Variants in PARP1 observed in about 807,000 individuals in gnomAD.
The protein encoded by PARP1 is poly(ADP-ribose) polymerase 1, also known as poly [ADP-ribose] polymerase 1.
A neutral mutation model predicts 118.7 loss-of-function variants in PARP1; 44 were observed. That is an observed-to-expected ratio of 0.37 (90% confidence interval 0.29 to 0.48). PARP1 has a LOEUF of 0.48. Among genes scored for constraint, PARP1 ranks in the 20% least tolerant of loss-of-function variants. PARP1 has a pLI of 0.99. For missense variants in PARP1, 1,100 were observed against 1,272.4 expected (o/e 0.86, Z 2.06); for synonymous variants, 492 against 483.2 (o/e 1.02, Z -0.24).
At chr1:226,381,346 CG>C in intron 8 of PARP1, 138 bp from the exon 9 acceptor site, 2 of 942,934 alleles carry the variant, frequency 2.1e-6, no homozygotes, top group East Asian at 5.1e-5. Context: ...GAAAACAGGA[CG>C]GGACAGCAAG....
intron 14 of PARP1, 21 bp from the exon 15 acceptor site, chr1:226,370,538 G>A (rs781427940): frequency 4.4e-6 from 7 of 1,592,244 alleles, no homozygotes; most frequent in South Asian, 3.3e-5. Flanking sequence ...AGGGGATTTC[G>A]CTCTGAAAGC....
At position 226,371,202 on chromosome 1, in the gene PARP1, G is replaced by C. The variant is rs1007965171; in HGVS notation, c.2071-685C>G. On this transcript the variant is annotated intron_variant, in intron 14 of 22. Coordinates refer to ENST00000366794, the MANE Select transcript of PARP1 (RefSeq NM_001618.4). The stretch of plus-strand genomic sequence containing the variant: ...AGGCACTCACTCCCTTTTGCGAGCA[G>C]CCCTGCCTATTTGGCTCAGCCCCTG... 12 of 155,884 alleles carry C rather than the reference G, an allele frequency of 7.7e-5. 1 individual carries two copies. Among genetic ancestry groups the C allele is most frequent in the African/African-American group, 2.9e-4 (12 of 41,448 alleles). The allele number at this position is 155,884 out of a possible 1,614,324, so 9.7% of individuals were successfully genotyped here.
chr1:226,398,123 A>ACAC (rs146245266), intron 2 of PARP1, among the ~76,000 whole-genome samples: 1 of 150,956 alleles, frequency 6.6e-6, no homozygotes, highest in African/African-American at 2.4e-5. Flanking sequence ...CTTTTTACAA[A>ACAC]CACCAAAAGC....
In PARP1 at chr1:226,367,552, G is replaced by A. The variant is rs2102728366; in HGVS notation, c.2334C>T (p.Leu778=). The A allele has an allele frequency of 1.2e-6, 2 of 1,614,098 alleles. No homozygotes were observed. Among genetic ancestry groups the A allele is most frequent in the South Asian group, 1.1e-5 (1 of 91,080 alleles). The change falls in exon 17 of 23, where the codon CTC becomes CTT. Residue 778 remains leucine (L), a synonymous_variant. Coordinates refer to ENST00000366794, the MANE Select transcript of PARP1 (RefSeq NM_001618.4). The part of the protein sequence containing the change: ...LLDIEVAYSL[L]RGGSDDSSKD... ...TGCTGCTATCATCAGACCCTCCCCT[G>A]AGCAGACTGTAGGCCACCTCGATGT...
chr1:226,370,152 C>T (rs1664350155), intron 15 of PARP1, among the ~76,000 whole-genome samples: 2 of 152,084 alleles, frequency 1.3e-5, no homozygotes, highest in African/African-American at 4.8e-5. Context: ...GATGACTTCA[C>T]TTTTAACAGA....
intron 1 of PARP1, among the ~76,000 whole-genome samples, chr1:226,405,452 C>G (rs12119288): frequency 2.0e-5 from 3 of 152,160 alleles, no homozygotes; most frequent in Non-Finnish European, 2.9e-5. Flanking sequence ...TTAACAGGCA[C>G]GCACCACCAC....
rs1576405511 is a variant in PARP1 at position 226,405,882 on chromosome 1, G to A, written c.120+1928C>T. Among the ~76,000 whole-genome samples, 3 of 152,276 alleles carry A rather than the reference G, an allele frequency of 2.0e-5. No individual in the cohort carries two copies. In the South Asian group the frequency reaches 6.2e-4, roughly 32 times the overall value. ...TGTAACCCTAGCACTTTGTGGGGCC[G>A]AGGTGCATGGATCGCTTGAGCTCAG... On this transcript the variant is annotated intron_variant, in intron 1 of 22. Transcript: ENST00000366794.
At position 226,379,654 on chromosome 1, in the gene PARP1, C is replaced by T. The variant is rs751199617; in HGVS notation, c.1544-13G>A. ...GATTTGTTGATACCTTGGAGGAGAA[C>T]AGAAAAATGTAAACATGAAGTTAAA... On this transcript the variant is annotated splice_polypyrimidine_tract_variant and intron_variant, in intron 10 of 22. Transcript: ENST00000366794. 5 of 1,591,948 alleles carry T rather than the reference C, an allele frequency of 3.1e-6. No individual in the cohort carries two copies. Among genetic ancestry groups the T allele is most frequent in the South Asian group, 1.1e-5 (1 of 89,982 alleles).
chr1:226,391,155 C>T (rs1391802777), intron 3 of PARP1, among the ~76,000 whole-genome samples: 2 of 151,922 alleles, frequency 1.3e-5, no homozygotes, highest in African/African-American at 4.8e-5. Flanking sequence ...GAGATGAGGT[C>T]TCACTATGTT....
At chr1:226,368,753 C>T (rs1444909457) in intron 15 of PARP1, among the ~76,000 whole-genome samples, 1 of 152,220 alleles carries the variant, frequency 6.6e-6, no homozygotes, top group Admixed American at 6.5e-5. Flanking sequence ...GTCAGGCTCC[C>T]TGCCTCCACT....
intron 17 of PARP1, 42 bp downstream of exon 17, chr1:226,367,438 G>A (rs1664292881): frequency 6.2e-7 from 1 of 1,607,952 alleles, no homozygotes; most frequent in African/African-American, 1.3e-5. Context: ...CTGCTCTCAG[G>A]ATGAGAGGTT....
intron 1 of PARP1, among the ~76,000 whole-genome samples, chr1:226,405,224 C>G (rs1359659037): frequency 6.6e-6 from 1 of 152,178 alleles, no homozygotes; most frequent in Non-Finnish European, 1.5e-5. Flanking sequence ...ATAAAAATCA[C>G]AGTTACTTTT....
Position 226,379,271 on chromosome 1 carries a change from A to G in PARP1, c.1616T>C (p.Leu539Pro). Residue 539 changes from leucine (L) to proline (P), a missense_variant, in exon 12 of 23, where the codon CTG (leucine) becomes CCG (proline). Physicochemically the swap from Leu to Pro is moderately conservative, Grantham distance 98. Around this residue, in one of 2 missense-constraint regions of PARP1, gnomAD observed 948 missense variants for 1,031.8 expected, o/e 0.92. Coordinates refer to ENST00000366794, the MANE Select transcript of PARP1 (RefSeq NM_001618.4). ...GGAAVDPDSGLEHSAHVLEKG... is the reference protein window; with the variant it reads ...GGAAVDPDSGPEHSAHVLEKG... Reference sequence around the variant, plus strand: ...CTCCAGGACATGCGCAGAGTGTTCCAGTCCTGTCCCAGAGGAAAAGCACCT... The same window carrying G: ...CTCCAGGACATGCGCAGAGTGTTCCGGTCCTGTCCCAGAGGAAAAGCACCT... 2 of 1,614,256 alleles carry G rather than the reference A, an allele frequency of 1.2e-6. No individual in the cohort carries two copies. Among genetic ancestry groups the G allele is most frequent in the Non-Finnish European group, 1.7e-6 (2 of 1,180,042 alleles).
intron 2 of PARP1, among the ~76,000 whole-genome samples, chr1:226,398,061 A>G (rs1664961241): frequency 6.6e-6 from 1 of 152,198 alleles, no homozygotes; most frequent in Non-Finnish European, 1.5e-5. Context: ...GTAAGACACA[A>G]AACTGTTAAA....
Position 226,407,955 on chromosome 1 carries a change from C to T in PARP1, c.-26G>A, listed in dbSNP as rs755108904. On this transcript the variant is annotated 5_prime_UTR_variant, in exon 1 of 23. Transcript: ENST00000366794. The stretch of plus-strand genomic sequence containing the variant: ...CCTCCCCTAGCTGCCGCCAAAGCTC[C>T]GGAAGCCCGACGCCACGACCTAGAA... 1.9e-6 allele frequency: 3 copies of T among 1,611,816 alleles called. No homozygotes were observed. The highest frequency in any genetic ancestry group is 1.7e-6 in the Non-Finnish European group (2 of 1,178,874).
chr1:226,367,161 G>A, intron 17 of PARP1: 1 of 399,542 alleles, frequency 2.5e-6, no homozygotes, highest in South Asian at 2.2e-5. Flanking sequence ...TCTAGATTAA[G>A]GAGAGGAAAC....
intron 11 of PARP1, 51 bp from the exon 12 acceptor site, chr1:226,379,325 C>A: frequency 6.2e-7 from 1 of 1,611,508 alleles, no homozygotes; most frequent in Non-Finnish European, 8.5e-7. Flanking sequence ...GAGGTGCTAG[C>A]ACTCTCACGG....
rs902506878 is a variant in PARP1, at chr1:226,407,987, TGCCGCCTC to T, written c.-66_-59del. On this transcript the variant is annotated 5_prime_UTR_variant, in exon 1 of 23. Coordinates refer to ENST00000366794, the MANE Select transcript of PARP1 (RefSeq NM_001618.4). ...CCGACGCCACGACCTAGAAACACGCTGCCGCCTCGCCGCCTCGCGTGCGCTCACCCAGC... is the reference window on the plus strand; with the variant it reads ...CCGACGCCACGACCTAGAAACACGCTGCCGCCTCGCGTGCGCTCACCCAGC... 3 of 1,607,178 alleles carry T rather than the reference TGCCGCCTC, an allele frequency of 1.9e-6. No individual in the cohort carries two copies. Among genetic ancestry groups the T allele is most frequent in the Non-Finnish European group, 2.5e-6 (3 of 1,177,458 alleles).
rs202022212 is a variant in PARP1, at chr1:226,402,372, A to G, written c.128T>C (p.Met43Thr). The change falls in exon 2 of 23, where the codon ATG becomes ACG. Residue 43 changes from methionine to threonine, a missense_variant. Met to Thr is a moderately conservative substitution (Grantham distance 81, BLOSUM62 -1). Around this residue, in one of 2 missense-constraint regions of PARP1, gnomAD observed 948 missense variants for 1,031.8 expected, o/e 0.92. Transcript: ENST00000366794. Reference sequence around the variant, plus strand: ...CCAGTGTGGGACTTTTCCATCAAACATGGGCGACTAGAAGGAAGAGAAACA... The same window carrying G: ...CCAGTGTGGGACTTTTCCATCAAACGTGGGCGACTAGAAGGAAGAGAAACA... ...LRMAIMVQSP[M>T]FDGKVPHWYH... is the part of the protein sequence containing the mutation. 47 of 1,613,092 alleles carry G rather than the reference A, an allele frequency of 2.9e-5. No homozygotes were observed. Among genetic ancestry groups the G allele is most frequent in the Non-Finnish European group, 4.0e-5 (47 of 1,179,988 alleles).
Sources: gnomAD v4.1 joint callset for allele counts (sites outside exome capture counted in the v4.1 genomes callset) on GRCh38, gnomAD v4.1.1 for gene constraint, gnomAD v4.1.1 regional missense constraint, MANE v1.5 for transcripts, NCBI Gene and HGNC (gene_info 2026-07-23, HGNC 2026-07-21) for gene names.